The following TUSC3 variants were observed in gnomAD, a reference collection of about 807,000 sequenced individuals.
The protein encoded by TUSC3 is tumor suppressor candidate 3.
Under a neutral mutation model 44.8 loss-of-function variants are expected in TUSC3, and 45 were observed. The ratio of observed to expected loss-of-function variants is 1.00; its 90% CI spans 0.79 to 1.29. TUSC3 has a LOEUF of 1.29. Ranked by LOEUF, TUSC3 falls within the 50% of genes most tolerant of loss-of-function variation. The probability of loss-of-function intolerance (pLI) is 0.00; values close to 1 mark genes in which losing one functional copy is unlikely to be tolerated. For synonymous variants in TUSC3, 212 were observed against 152.9 expected (o/e 1.39, Z -2.85); for missense variants, 519 against 437.9 (o/e 1.19, Z -1.65).
intron 2 of TUSC3, among the ~76,000 whole-genome samples, chr8:15,533,699 T>A (rs962589157): frequency 1.3e-5 from 2 of 152,190 alleles, no homozygotes; most frequent in African/African-American, 2.4e-5. Flanking sequence ...CTGGCCAGCT[T>A]CAGTCAGGAG....
At chr8:15,716,463 G>C (rs1225070154) in intron 6 of TUSC3, among the ~76,000 whole-genome samples, 2 of 151,998 alleles carry the variant, frequency 1.3e-5, no homozygotes, top group African/African-American at 2.4e-5. Flanking sequence ...TAAAGAAAAA[G>C]AGTTGTGAAA....
chr8:15,802,372 C>T, the TUSC3 span, among the ~76,000 whole-genome samples: 1 of 152,284 alleles, frequency 6.6e-6, no homozygotes, highest in South Asian at 2.1e-4. Flanking sequence ...AGCTACTCCT[C>T]AAAGATTAAT....
chr8:15,753,833 A>ATATC (rs1563206747), intron 9 of TUSC3, among the ~76,000 whole-genome samples: 1 of 152,068 alleles, frequency 6.6e-6, no homozygotes, highest in African/African-American at 2.4e-5. Context: ...AAGCAAATAT[A>ATATC]TATCTATTCA....
Position 15,581,966 on chromosome 8 carries a change from G to A in TUSC3, c.139-41114G>A, listed in dbSNP as rs112094822. The stretch of plus-strand genomic sequence containing the variant: ...CTGTGCTAGCAGTCAGCGAGATTCC[G>A]TGGGCGTAGGACCCTCTGAGCCAGG... On this transcript the variant is annotated intron_variant, in intron 1 of 10. Coordinates refer to ENST00000503731, the MANE Select transcript of TUSC3 (RefSeq NM_006765.4). 6.5e-4 allele frequency among the ~76,000 whole-genome samples: 98 copies of A among 151,242 alleles called. 1 individual carries two copies. Among genetic ancestry groups the A allele is most frequent in the Middle Eastern group, 3.4e-3 (1 of 294 alleles).
At chr8:15,533,438 T>C (rs1179230859) in intron 2 of TUSC3, among the ~76,000 whole-genome samples, 1 of 152,218 alleles carries the variant, frequency 6.6e-6, no homozygotes, top group East Asian at 1.9e-4. Flanking sequence ...TTCTGTCCTT[T>C]GTCTAATACC....
At chr8:15,629,555 T>G (rs1460672038) in intron 2 of TUSC3, among the ~76,000 whole-genome samples, 1 of 71,962 alleles carries the variant, frequency 1.4e-5, no homozygotes, top group Non-Finnish European at 3.6e-5. Flanking sequence ...GCCATCTTGT[T>G]TTTTTTTTTT....
intron 2 of TUSC3, among the ~76,000 whole-genome samples, chr8:15,644,440 T>G (rs1257075016): frequency 6.6e-6 from 1 of 152,132 alleles, no homozygotes; most frequent in Non-Finnish European, 1.5e-5. Context: ...GTGCTTGGAG[T>G]ATTTGTGGAT....
chr8:15,747,511 A>T (rs1585297962), intron 8 of TUSC3, among the ~76,000 whole-genome samples: 1 of 152,188 alleles, frequency 6.6e-6, no homozygotes, highest in South Asian at 2.1e-4. Flanking sequence ...TAAGTATTTA[A>T]ATTTTATAAG....
chr8:15,548,976 GTT>G lies in TUSC3; in HGVS notation c.138+8412_138+8413del, dbSNP rs144011962. Among the ~76,000 whole-genome samples, 486 of 151,708 alleles carry G rather than the reference GTT, an allele frequency of 3.2e-3. 19 individuals carry two copies. The East Asian group carries it at 0.036, about 11-fold the overall frequency. On this transcript the variant is annotated intron_variant, in intron 1 of 10. Transcript: ENST00000503731. ...ATGTGTTTCTTTTAGTGAAATAAGT[GTT>G]TTTATTGAGTGGATTGAAGCTCTGT...
At chr8:15,479,829 C>A (rs772275020) in intron 1 of TUSC3, among the ~76,000 whole-genome samples, 5 of 152,068 alleles carry the variant, frequency 3.3e-5, no homozygotes, top group Non-Finnish European at 5.9e-5. Flanking sequence ...AGAAATAAAG[C>A]GTATTCAAAT....
intron 1 of TUSC3, among the ~76,000 whole-genome samples, chr8:15,580,739 C>T (rs1803291589): frequency 1.6e-5 from 2 of 121,764 alleles, no homozygotes; most frequent in Non-Finnish European, 3.4e-5. Context: ...TTCTCTCTGG[C>T]TGCCCTTAAC....
downstream of TUSC3, among the ~76,000 whole-genome samples, chr8:15,771,065 C>T (rs552251216): frequency 3.3e-5 from 5 of 152,248 alleles, no homozygotes; most frequent in South Asian, 1.0e-3. Flanking sequence ...GATTAATAGC[C>T]AGTTGCTCAT....
intron 1 of TUSC3, among the ~76,000 whole-genome samples, chr8:15,610,513 TATTA>T (rs140895588): frequency 0.031 from 4,717 of 152,308 alleles, 96 homozygotes; most frequent in African/African-American, 0.057. Context: ...ATCTTTGGAA[TATTA>T]ATTTAACATC....
intron 3 of TUSC3, among the ~76,000 whole-genome samples, chr8:15,656,286 G>T (rs774276312): frequency 2.0e-5 from 3 of 152,042 alleles, no homozygotes; most frequent in African/African-American, 7.2e-5. Flanking sequence ...AACAAAATCA[G>T]ATATAGATGA....
At chr8:15,775,329 A>G in the TUSC3 span, among the ~76,000 whole-genome samples, 1 of 152,212 alleles carries the variant, frequency 6.6e-6, no homozygotes, top group South Asian at 2.1e-4. Flanking sequence ...GTGACTATTT[A>G]GTGGCTTGAG....
chr8:15,713,082 T>G (rs532538136), intron 6 of TUSC3, among the ~76,000 whole-genome samples: 1 of 152,298 alleles, frequency 6.6e-6, no homozygotes, highest in East Asian at 1.9e-4. Flanking sequence ...TTAAAGAACA[T>G]GTTGATCCCA....
intron 2 of TUSC3, among the ~76,000 whole-genome samples, chr8:15,646,100 G>A (rs946982346): frequency 6.6e-6 from 1 of 152,040 alleles, no homozygotes; most frequent in African/African-American, 2.4e-5. Flanking sequence ...CTACACAGTC[G>A]CTGAGAATTT....
chr8:15,846,172 T>C, the TUSC3 span, among the ~76,000 whole-genome samples: 1 of 152,168 alleles, frequency 6.6e-6, no homozygotes, highest in Non-Finnish European at 1.5e-5. Flanking sequence ...GAGATTTGAA[T>C]GGGGACACAG....
intron 1 of TUSC3, among the ~76,000 whole-genome samples, chr8:15,422,476 A>G (rs1386495916): frequency 3.3e-5 from 5 of 152,214 alleles, no homozygotes; most frequent in Non-Finnish European, 2.9e-5. Context: ...GCAAAATATT[A>G]GTTAGAAGAT....
Sources: gnomAD v4.1 joint callset for allele counts (sites outside exome capture counted in the v4.1 genomes callset) on GRCh38, gnomAD v4.1.1 for gene constraint, MANE v1.5 for transcripts, NCBI Gene and HGNC (gene_info 2026-07-23, HGNC 2026-07-21) for gene names.